The following TMED3 variants were observed in gnomAD, a reference collection of about 807,000 sequenced individuals.
The protein encoded by TMED3 is transmembrane emp24 domain-containing protein 3.
TMED3 carries 9 observed loss-of-function variants against 15.0 expected under a neutral mutation model. The observed-to-expected ratio is 0.60, with a 90% CI of 0.36 to 1.04. The LOEUF is 1.04. TMED3 is among the 50% of genes least tolerant of loss of function. The pLI is 0.01. For synonymous variants in TMED3, 117 were observed against 121.4 expected, an observed-to-expected ratio of 0.96 and a Z score of 0.24; for missense variants, 267 against 278.9, an observed-to-expected ratio of 0.96 and a Z score of 0.30.
chr15:79,332,103 C>T (rs1473871525), intron 2 of TMED3, among the ~76,000 whole-genome samples: 1 of 152,066 alleles, frequency 6.6e-6, no homozygotes. Flanking sequence ...AAAGACTTTC[C>T]AGGGAAATAA....
At chr15:79,398,228 A>G (rs1893787446) in intron 2 of TMED3, among the ~76,000 whole-genome samples, 1 of 152,090 alleles carries the variant, frequency 6.6e-6, no homozygotes, top group Non-Finnish European at 1.5e-5. Context: ...ATGTAGTTGG[A>G]ATTACACAGT....
chr15:79,407,259 A>G (rs1258352393), intron 2 of TMED3, among the ~76,000 whole-genome samples: 2 of 152,196 alleles, frequency 1.3e-5, no homozygotes, highest in Non-Finnish European at 2.9e-5. Context: ...GTTTAGCAGG[A>G]TATTAAACCC....
chr15:79,353,078 ATATATAAAATATAAATG>A (rs1567030354), intron 2 of TMED3, among the ~76,000 whole-genome samples: 2 of 103,398 alleles, frequency 1.9e-5, no homozygotes, highest in Non-Finnish European at 3.6e-5. Context: ...AATATATATT[ATATATAAAATATAAATG>A]TATATAAAAT....
intron 2 of TMED3, among the ~76,000 whole-genome samples, chr15:79,380,579 TTTTATATA>T (rs1226576623): frequency 1.5e-5 from 2 of 136,484 alleles, no homozygotes; most frequent in Non-Finnish European, 3.0e-5. Flanking sequence ...ATATATATAG[TTTTATATA>T]TATATATATA....
intron 2 of TMED3, among the ~76,000 whole-genome samples, chr15:79,318,624 C>T (rs2058750953): frequency 6.6e-6 from 1 of 152,218 alleles, no homozygotes; most frequent in Non-Finnish European, 1.5e-5. Flanking sequence ...CTAGAAATGG[C>T]ATATCTTGAG....
At chr15:79,345,546 T>C (rs1266132476) in intron 2 of TMED3, among the ~76,000 whole-genome samples, 7 of 152,166 alleles carry the variant, frequency 4.6e-5, no homozygotes, top group Non-Finnish European at 7.4e-5. Context: ...TCCAGTCTAT[T>C]ATTGGTGGGC....
At chr15:79,375,485 T>A (rs547851947) in intron 2 of TMED3, among the ~76,000 whole-genome samples, 1 of 152,220 alleles carries the variant, frequency 6.6e-6, no homozygotes, top group South Asian at 2.1e-4. Context: ...CTGAGTAATG[T>A]ATAAGAAAAT....
chr15:79,399,163 G>A (rs748293461), intron 2 of TMED3, among the ~76,000 whole-genome samples: 1 of 151,948 alleles, frequency 6.6e-6, no homozygotes, highest in Non-Finnish European at 1.5e-5. Context: ...CACCTGCCTC[G>A]GCCTCCCAAA....
chr15:79,391,584 C>T (rs903002125), intron 2 of TMED3, among the ~76,000 whole-genome samples: 1 of 151,982 alleles, frequency 6.6e-6, no homozygotes, highest in Non-Finnish European at 1.5e-5. Context: ...ATTTGTCAAG[C>T]CCATTTGTTC....
intron 2 of TMED3, among the ~76,000 whole-genome samples, chr15:79,374,033 G>T (rs898558240): frequency 2.0e-5 from 3 of 152,172 alleles, no homozygotes; most frequent in Non-Finnish European, 4.4e-5. Flanking sequence ...GACTCTTAAA[G>T]GTTAAATCTC....
At chr15:79,383,272 G>A (rs1287942207) in intron 2 of TMED3, 1 of 528,964 alleles carries the variant, frequency 1.9e-6, no homozygotes, top group Non-Finnish European at 3.4e-6. Context: ...TTTGGAAAAT[G>A]TCTTAAGGCT....
Position 79,311,112 on chromosome 15 carries a change from C to G in TMED3, c.-138C>G, listed in dbSNP as rs966358321. The G allele has an allele frequency of 5.2e-6, 5 of 961,398 alleles. No homozygotes were observed. In the East Asian group the frequency reaches 1.3e-4, roughly 25 times the overall value. The allele number at this position is 961,398 out of a possible 1,614,324, so 59.6% of individuals were successfully genotyped here. ...CGCGGCTGCGCACTGAGCCGCCGGCCCTCCCGGAAGCGCAGAGCTCCGCTG... is the reference window on the plus strand; with the variant it reads ...CGCGGCTGCGCACTGAGCCGCCGGCGCTCCCGGAAGCGCAGAGCTCCGCTG... On this transcript the variant is annotated 5_prime_UTR_variant, in exon 1 of 3. Coordinates refer to ENST00000299705, the MANE Select transcript of TMED3 (RefSeq NM_007364.4).
intron 1 of TMED3, among the ~76,000 whole-genome samples, 193 bp downstream of exon 1, chr15:79,311,610 C>T (rs569929143): frequency 4.7e-4 from 71 of 152,296 alleles, no homozygotes; most frequent in African/African-American, 1.6e-3. Flanking sequence ...CCACCCGAGA[C>T]GAGCCTGGCC....
chr15:79,314,023 G>T lies in TMED3; in HGVS notation c.417+18G>T, dbSNP rs761230830. 6.2e-7 allele frequency: 1 copy of T among 1,613,668 alleles called. No individual in the cohort carries two copies. The highest frequency in any genetic ancestry group is 1.1e-5 in the South Asian group (1 of 91,032). On this transcript the variant is annotated intron_variant, in intron 2 of 2. Coordinates refer to ENST00000299705, the MANE Select transcript of TMED3 (RefSeq NM_007364.4). ...TCACCCAGGTGAGTGAACATTAGCA[G>T]TTCGGGGCTGCTGAACCCCCTAGCG...
chr15:79,383,007 G>A (rs934250997), intron 2 of TMED3: 5 of 1,535,364 alleles, frequency 3.3e-6, no homozygotes, highest in East Asian at 2.4e-5. Flanking sequence ...ACCACTAAGG[G>A]TTCCAGTGTG....
intron 2 of TMED3, among the ~76,000 whole-genome samples, chr15:79,376,178 C>T (rs536063107): frequency 1.9e-4 from 27 of 140,250 alleles, no homozygotes; most frequent in African/African-American, 6.1e-4. Flanking sequence ...GGCGCGATCT[C>T]GGCTCACTGC....
chr15:79,345,506 C>G (rs946768983), intron 2 of TMED3, among the ~76,000 whole-genome samples: 1 of 152,154 alleles, frequency 6.6e-6, no homozygotes, highest in African/African-American at 2.4e-5. Flanking sequence ...GCATAGTATT[C>G]CATGGTTTAT....
chr15:79,411,541 G>C, exon 3 of TMED3: 1 of 700,402 alleles, frequency 1.4e-6, no homozygotes, highest in Non-Finnish European at 2.6e-6. Context: ...AGTGGATGGA[G>C]GGAAGACACA....
At chr15:79,380,572 T>C (rs1485464060) in intron 2 of TMED3, among the ~76,000 whole-genome samples, 1 of 139,574 alleles carries the variant, frequency 7.2e-6, no homozygotes, top group Non-Finnish European at 1.5e-5. Flanking sequence ...TAGTTACATA[T>C]ATATAGTTTT....
Sources: gnomAD v4.1 joint callset for allele counts (sites outside exome capture counted in the v4.1 genomes callset) on GRCh38, gnomAD v4.1.1 for gene constraint, MANE v1.5 for transcripts, NCBI Gene and HGNC (gene_info 2026-07-23, HGNC 2026-07-21) for gene names.